CAMSAP1: variants seen among roughly 807,000 people sequenced by gnomAD.
CAMSAP1 encodes calmodulin-regulated spectrin-associated protein 1.
CAMSAP1 carries 58 observed loss-of-function variants against 143.5 expected under a neutral mutation model. That is an observed-to-expected ratio of 0.40 (90% confidence interval 0.33 to 0.50). The LOEUF (loss-of-function observed/expected upper bound fraction) is 0.50. CAMSAP1 is among the 20% of genes least tolerant of loss of function. The pLI is 0.45. For missense variants in CAMSAP1, 1,969 were observed against 2,115.7 expected (o/e 0.93, Z 1.36); for synonymous variants, 945 against 859.3 (o/e 1.10, Z -1.74).
chr9:135,812,105 T>C, intron 16 of CAMSAP1, among the ~76,000 whole-genome samples: 1 of 152,088 alleles, frequency 6.6e-6, no homozygotes. Context: ...ACATATGTAC[T>C]CAAGGGAAAT....
intron 7 of CAMSAP1, among the ~76,000 whole-genome samples, chr9:135,835,598 A>C (rs1023040396): frequency 2.0e-5 from 3 of 152,214 alleles, no homozygotes; most frequent in Non-Finnish European, 2.9e-5. Context: ...CCAAGAAAGG[A>C]TGACTGGTTG....
At chr9:135,886,297 G>A (rs974647076) in intron 1 of CAMSAP1, among the ~76,000 whole-genome samples, 2 of 152,088 alleles carry the variant, frequency 1.3e-5, no homozygotes, top group African/African-American at 4.8e-5. Context: ...TAATTTCCAC[G>A]CAATGTGGAG....
chr9:135,860,980 G>T (rs1242154901), intron 5 of CAMSAP1, among the ~76,000 whole-genome samples: 1 of 152,120 alleles, frequency 6.6e-6, no homozygotes, highest in Non-Finnish European at 1.5e-5. Context: ...GTATTCCCAC[G>T]CCACATGGGT....
intron 10 of CAMSAP1, 64 bp from the exon 11 acceptor site, chr9:135,823,324 C>G: frequency 1.3e-6 from 2 of 1,492,870 alleles, no homozygotes; most frequent in Non-Finnish European, 1.8e-6. Flanking sequence ...CAACATGGAC[C>G]AGGGGGTGAG....
intron 7 of CAMSAP1, among the ~76,000 whole-genome samples, chr9:135,833,121 G>A (rs1175840927): frequency 5.4e-5 from 7 of 129,696 alleles, no homozygotes; most frequent in South Asian, 2.4e-4. Context: ...TCGCTCTGTC[G>A]CCCAGGCTGG....
intron 16 of CAMSAP1, among the ~76,000 whole-genome samples, chr9:135,813,024 T>C (rs1835106658): frequency 2.0e-5 from 3 of 152,266 alleles, no homozygotes; most frequent in Admixed American, 6.5e-5. Context: ...TTGTTGATTG[T>C]ATTTTAAAGT....
At chr9:135,900,759 T>G (rs1025543009) in intron 1 of CAMSAP1, among the ~76,000 whole-genome samples, 1 of 151,804 alleles carries the variant, frequency 6.6e-6, no homozygotes, top group South Asian at 2.1e-4. Flanking sequence ...AACTCAAAGA[T>G]CTTTCTTTTC....
At chr9:135,833,996 G>T (rs937147306) in intron 7 of CAMSAP1, among the ~76,000 whole-genome samples, 1 of 152,212 alleles carries the variant, frequency 6.6e-6, no homozygotes, top group Admixed American at 6.5e-5. Context: ...AGCAGGCTAA[G>T]GTCTTAAATA....
At chr9:135,889,932 C>G (rs750819408) in intron 1 of CAMSAP1, among the ~76,000 whole-genome samples, 1 of 152,218 alleles carries the variant, frequency 6.6e-6, no homozygotes, top group Non-Finnish European at 1.5e-5. Flanking sequence ...GAAGAAATCT[C>G]GAGGCCCCCA....
At chr9:135,866,590 A>G in intron 3 of CAMSAP1, 54 bp from the exon 4 acceptor site, 1 of 831,330 alleles carries the variant, frequency 1.2e-6, no homozygotes, top group Non-Finnish European at 2.0e-6. Context: ...GCACAATTGT[A>G]TCTCCACAAT....
Position 135,820,498 on chromosome 9 carries a change from G to A in CAMSAP1, c.3822+341C>T, listed in dbSNP as rs528075910. ...CATTCTAACGACGAACGCTTTTTAC[G>A]CTTTGGGGCAGGACAGGGAGATGAC... On this transcript the variant is annotated intron_variant, in intron 11 of 16. Coordinates refer to ENST00000389532, the MANE Select transcript of CAMSAP1 (RefSeq NM_015447.4). This position sits in a 1 kb window ranked among gnomAD's most constrained non-coding sequence, Gnocchi z 4.4. Among the ~76,000 whole-genome samples the A allele has an allele frequency of 1.3e-5, 2 of 152,064 alleles. No homozygotes were observed. Among genetic ancestry groups the A allele is most frequent in the South Asian group, 4.2e-4 (2 of 4,818 alleles).
chr9:135,896,791 CG>C, intron 1 of CAMSAP1, among the ~76,000 whole-genome samples: 1 of 152,324 alleles, frequency 6.6e-6, no homozygotes, highest in East Asian at 1.9e-4. Context: ...AAAATTCACA[CG>C]GCAACCTAAT....
At chr9:135,869,230 C>T (rs542315176) in intron 3 of CAMSAP1, among the ~76,000 whole-genome samples, 9 of 152,060 alleles carry the variant, frequency 5.9e-5, no homozygotes, top group East Asian at 5.8e-4. Context: ...CAGTCAGGCA[C>T]GGTGGCTCAC....
chr9:135,838,868 C>T (rs980034857), intron 7 of CAMSAP1, among the ~76,000 whole-genome samples: 2 of 151,728 alleles, frequency 1.3e-5, no homozygotes, highest in Non-Finnish European at 2.9e-5. Context: ...TGTAGCCACA[C>T]GTTCGCCACG....
chr9:135,899,654 C>T (rs906418588), intron 1 of CAMSAP1, among the ~76,000 whole-genome samples: 2 of 152,130 alleles, frequency 1.3e-5, no homozygotes, highest in African/African-American at 4.8e-5. Context: ...CTAATTTCGC[C>T]TTCCAACTCT....
At chr9:135,865,490 CA>C (rs1306922928) in intron 4 of CAMSAP1, 1 of 858,362 alleles carries the variant, frequency 1.2e-6, no homozygotes, top group African/African-American at 1.7e-5. Context: ...CTCTGGTAAG[CA>C]AAGTCTTCTA....
At position 135,809,150 on chromosome 9, in the gene CAMSAP1, A is replaced by G. The variant is rs931171760; in HGVS notation, c.*2159T>C. 6.6e-6 allele frequency: 1 copy of G among 152,208 alleles called. No homozygotes were observed. Among genetic ancestry groups the G allele is most frequent in the Non-Finnish European group, 1.5e-5 (1 of 68,044 alleles). 9.4% of individuals were successfully genotyped at this position (152,208 alleles called of 1,614,324 possible). On this transcript the variant is annotated 3_prime_UTR_variant, in exon 17 of 17. Transcript: ENST00000389532. ...CCCAAAAGCACCACCACGAAAATTA[A>G]TCCTGTGTCTGAAACTTTTCAAGAC...
At position 135,818,307 on chromosome 9, in the gene CAMSAP1, C is replaced by A. The variant is rs1256002737; in HGVS notation, c.4168+101G>T. 16 of 1,312,066 alleles carry A rather than the reference C, an allele frequency of 1.2e-5. No individual in the cohort carries two copies. Among genetic ancestry groups the A allele is most frequent in the Non-Finnish European group, 1.7e-5 (16 of 965,402 alleles). The allele number at this position is 1,312,066 out of a possible 1,614,324, so 81.3% of individuals were successfully genotyped here. ...GGGATAATCATCTCCACCCTTCCCG[C>A]CTCACACCACTCTTGATGACAAAAT... On this transcript the variant is annotated intron_variant, in intron 13 of 16. Coordinates refer to ENST00000389532, the MANE Select transcript of CAMSAP1 (RefSeq NM_015447.4). The surrounding 1 kb of genome is among the most constrained non-coding windows in gnomAD (Gnocchi z 7.7).
chr9:135,897,127 C>T (rs1479741205), intron 1 of CAMSAP1, among the ~76,000 whole-genome samples: 1 of 152,132 alleles, frequency 6.6e-6, no homozygotes, highest in Non-Finnish European at 1.5e-5. Context: ...AAAATATATA[C>T]ATATAGGGCT....
Sources: gnomAD v4.1 joint callset for allele counts (sites outside exome capture counted in the v4.1 genomes callset) on GRCh38, gnomAD v4.1.1 for gene constraint, Gnocchi (gnomAD v3.1) non-coding constraint, MANE v1.5 for transcripts, NCBI Gene and HGNC (gene_info 2026-07-23, HGNC 2026-07-21) for gene names.